The following HORMAD2 variants were observed in gnomAD, a reference collection of about 807,000 sequenced individuals.
The protein encoded by HORMAD2 is HORMA domain containing 2, also known as HORMA domain-containing protein 2.
A neutral mutation model predicts 38.8 loss-of-function variants in HORMAD2; 45 were observed. The observed-to-expected ratio is 1.16, with a 90% CI of 0.91 to 1.49. HORMAD2 has a LOEUF of 1.49. HORMAD2 is among the 40% of genes most tolerant of loss of function. The probability of loss-of-function intolerance (pLI) is 0.00; values close to 1 mark genes in which losing one functional copy is unlikely to be tolerated. For missense variants in HORMAD2, 338 were observed against 367.0 expected (o/e 0.92, Z 0.65); for synonymous variants, 126 against 122.8 (o/e 1.03, Z -0.17).
intron 10 of HORMAD2, among the ~76,000 whole-genome samples, chr22:30,125,206 T>TTTTTC (rs1192089119): frequency 1.4e-5 from 2 of 140,652 alleles, no homozygotes; most frequent in African/African-American, 5.5e-5. Context: ...TTTCACTTTC[T>TTTTTC]TTTTCTTTTC....
chr22:30,156,419 A>G (rs1925077595), intron 10 of HORMAD2, among the ~76,000 whole-genome samples: 1 of 152,120 alleles, frequency 6.6e-6, no homozygotes, highest in Non-Finnish European at 1.5e-5. Flanking sequence ...AGAACACCTA[A>G]CCTAAATGAA....
the HORMAD2 span, among the ~76,000 whole-genome samples, chr22:30,185,121 G>A: frequency 5.3e-5 from 8 of 152,172 alleles, no homozygotes; most frequent in African/African-American, 1.9e-4. Flanking sequence ...ATCTGGCACA[G>A]TACCTGTGAT....
At chr22:30,089,508 A>G (rs567442572) in intron 1 of HORMAD2, among the ~76,000 whole-genome samples, 1 of 152,048 alleles carries the variant, frequency 6.6e-6, no homozygotes, top group East Asian at 1.9e-4. Flanking sequence ...GCCTGCCACT[A>G]TGCCTGTCTA....
intron 10 of HORMAD2, among the ~76,000 whole-genome samples, chr22:30,126,226 C>T (rs760517080): frequency 6.6e-5 from 10 of 151,666 alleles, no homozygotes; most frequent in South Asian, 4.2e-4. Context: ...TGCAGTGGTG[C>T]GATCTCTGCT....
the HORMAD2 span, among the ~76,000 whole-genome samples, chr22:30,193,123 C>CA: frequency 6.6e-6 from 1 of 152,042 alleles, no homozygotes; most frequent in Admixed American, 6.6e-5. Context: ...TATCTAGGGT[C>CA]AAAAAATCAA....
At position 30,094,909 on chromosome 22, in the gene HORMAD2, TC is replaced by T. The variant is rs985854370; in HGVS notation, c.51+908del. On this transcript the variant is annotated intron_variant, in intron 2 of 10. Coordinates refer to ENST00000336726, the MANE Select transcript of HORMAD2 (RefSeq NM_152510.4). ...ATGGTAAAAGCATTGCACTGTCTTT[TC>T]CTATAACATCTCTCTCTTTTTCTGG... 7.9e-5 allele frequency among the ~76,000 whole-genome samples: 12 copies of T among 152,284 alleles called. No individual in the cohort carries two copies. The East Asian group carries it at 2.3e-3, about 29-fold the overall frequency.
At chr22:30,108,352 C>T (rs1354604998) in intron 5 of HORMAD2, among the ~76,000 whole-genome samples, 2 of 152,132 alleles carry the variant, frequency 1.3e-5, no homozygotes, top group African/African-American at 4.8e-5. Context: ...GTCTGCAAGG[C>T]CTGTATGATC....
At chr22:30,088,096 C>CATGT (rs2068607657) in intron 1 of HORMAD2, among the ~76,000 whole-genome samples, 1 of 151,276 alleles carries the variant, frequency 6.6e-6, no homozygotes, top group African/African-American at 2.4e-5. Flanking sequence ...CATATACACA[C>CATGT]ACGTACACAC....
At position 30,103,509 on chromosome 22, in the gene HORMAD2, T is replaced by C. The variant is rs934051287; in HGVS notation, c.257+9T>C. ...CTGCATATTATCAGATGGTAAGTAA[T>C]AGAAATTCTATAAAAGTTGAACAAC... On this transcript the variant is annotated intron_variant, in intron 4 of 10. Coordinates refer to ENST00000336726, the MANE Select transcript of HORMAD2 (RefSeq NM_152510.4). The C allele has an allele frequency of 2.1e-5, 30 of 1,402,154 alleles. No homozygotes were observed. The highest frequency in any genetic ancestry group is 2.7e-5 in the Non-Finnish European group (27 of 1,012,554). The allele number at this position is 1,402,154 out of a possible 1,614,324, so 86.9% of individuals were successfully genotyped here.
At chr22:30,091,787 T>A (rs2068691980) in intron 1 of HORMAD2, among the ~76,000 whole-genome samples, 1 of 152,236 alleles carries the variant, frequency 6.6e-6, no homozygotes, top group Non-Finnish European at 1.5e-5. Flanking sequence ...ATGCTTGTAC[T>A]AATTTACATT....
chr22:30,122,067 C>T lies in HORMAD2; in HGVS notation c.672C>T (p.Ser224=). ...TCAACGTGCAAGTGGGATTTGTCTCCACTGGCTTTCATAGCATGAAAGTAA... is the reference window on the plus strand; with the variant it reads ...TCAACGTGCAAGTGGGATTTGTCTCTACTGGCTTTCATAGCATGAAAGTAA... ...EPINVQVGFV[S]TGFHSMKVKV... Residue 224 remains serine (S), a synonymous_variant, in exon 10 of 11, where the codon TCC becomes TCT. Coordinates refer to ENST00000336726, the MANE Select transcript of HORMAD2 (RefSeq NM_152510.4). 6.2e-7 allele frequency: 1 copy of T among 1,613,690 alleles called. No homozygotes were observed. The highest frequency in any genetic ancestry group is 8.5e-7 in the Non-Finnish European group (1 of 1,179,798).
chr22:30,137,763 T>C (rs117676187), intron 10 of HORMAD2: 3 of 154,242 alleles, frequency 1.9e-5, no homozygotes, highest in African/African-American at 4.8e-5. Context: ...TCCCTTTTTA[T>C]GGCTGAATAA....
At chr22:30,172,148 G>T (rs1033555563) in intron 10 of HORMAD2, among the ~76,000 whole-genome samples, 1 of 152,060 alleles carries the variant, frequency 6.6e-6, no homozygotes, top group African/African-American at 2.4e-5. Flanking sequence ...CTATGTCTGG[G>T]GTATGAAAGA....
At chr22:30,103,553 G>T in intron 4 of HORMAD2, 53 bp downstream of exon 4, 2 of 839,842 alleles carry the variant, frequency 2.4e-6, no homozygotes, top group Non-Finnish European at 1.9e-6. Context: ...TATCATGGCT[G>T]AAATTACCCA....
chr22:30,182,513 A>G, the HORMAD2 span, among the ~76,000 whole-genome samples: 1 of 152,226 alleles, frequency 6.6e-6, no homozygotes, highest in Non-Finnish European at 1.5e-5. Context: ...CTTTAAAGCT[A>G]AACAAGCGAC....
the HORMAD2 span, among the ~76,000 whole-genome samples, chr22:30,190,250 G>A: frequency 6.6e-6 from 1 of 152,032 alleles, no homozygotes; most frequent in Non-Finnish European, 1.5e-5. Context: ...GTAATTTCAG[G>A]GCAACATCTT....
chr22:30,116,318 G>T (rs1251216759), intron 7 of HORMAD2, among the ~76,000 whole-genome samples: 1 of 152,188 alleles, frequency 6.6e-6, no homozygotes, highest in African/African-American at 2.4e-5. Context: ...TTTAAGGGTG[G>T]TGAGAAGCTA....
rs115292086 is a variant in HORMAD2 at position 30,147,067 on chromosome 22, C to T, written c.819+24853C>T. 2.2e-3 allele frequency among the ~76,000 whole-genome samples: 337 copies of T among 152,204 alleles called. 2 individuals are homozygous for T. Among genetic ancestry groups the T allele is most frequent in the African/African-American group, 6.9e-3 (286 of 41,524 alleles). ...AGACTTAAATAAATGCAGATATGTACCATATTCATGGATTGGAAGACTCAA... is the reference window on the plus strand; with the variant it reads ...AGACTTAAATAAATGCAGATATGTATCATATTCATGGATTGGAAGACTCAA... On this transcript the variant is annotated intron_variant, in intron 10 of 10. Transcript: ENST00000336726.
At chr22:30,169,784 C>T (rs2123735066) in intron 10 of HORMAD2, among the ~76,000 whole-genome samples, 1 of 152,322 alleles carries the variant, frequency 6.6e-6, no homozygotes, top group Middle Eastern at 3.4e-3. Context: ...ACTCCCTCAA[C>T]TTCTTCTATT....
Sources: gnomAD v4.1 joint callset for allele counts (sites outside exome capture counted in the v4.1 genomes callset) on GRCh38, gnomAD v4.1.1 for gene constraint, MANE v1.5 for transcripts, NCBI Gene and HGNC (gene_info 2026-07-23, HGNC 2026-07-21) for gene names.